AZIN2: variants seen among roughly 807,000 people sequenced by gnomAD.
AZIN2 encodes ODC antizyme inhibitor-2.
Under a neutral mutation model 47.8 loss-of-function variants are expected in AZIN2, and 28 were observed. The ratio of observed to expected loss-of-function variants is 0.59; its 90% confidence interval spans 0.43 to 0.80. AZIN2 has a LOEUF of 0.80. AZIN2 is among the 30% of genes least tolerant of loss of function. The pLI is 0.00. For synonymous variants in AZIN2, 221 were observed against 239.4 expected (o/e 0.92, Z 0.71); for missense variants, 535 against 582.5 (o/e 0.92, Z 0.84).
intron 5 of AZIN2, among the ~76,000 whole-genome samples, chr1:33,085,568 T>G (rs1221044751): frequency 6.6e-6 from 1 of 151,954 alleles, no homozygotes; most frequent in Non-Finnish European, 1.5e-5. Context: ...TATGGCTGGA[T>G]GTTGTGAGGA....
intron 10 of AZIN2, among the ~76,000 whole-genome samples, chr1:33,103,976 G>A (rs1570100064): frequency 1.3e-5 from 2 of 151,344 alleles, no homozygotes; most frequent in South Asian, 2.1e-4. Flanking sequence ...TCTGCCTCCC[G>A]GGTTCAAGTG....
the AZIN2 span, among the ~76,000 whole-genome samples, chr1:33,134,158 G>T: frequency 1.3e-5 from 2 of 152,234 alleles, no homozygotes; most frequent in African/African-American, 2.4e-5. Context: ...ATGTGGCCCA[G>T]CCCCGTAAGA....
the AZIN2 span, among the ~76,000 whole-genome samples, chr1:33,136,883 G>C: frequency 1.3e-5 from 2 of 151,710 alleles, no homozygotes; most frequent in African/African-American, 4.8e-5. Context: ...TGTAGTCCCA[G>C]CTGCTTGGGA....
At chr1:33,082,897 C>CA (rs1200584992) in intron 4 of AZIN2, 1 of 153,502 alleles carries the variant, frequency 6.5e-6, no homozygotes, top group Non-Finnish European at 1.5e-5. Context: ...CTGAATGACT[C>CA]AATTTGCATT....
chr1:33,088,600 T>G (rs548733637), intron 5 of AZIN2, among the ~76,000 whole-genome samples: 1 of 152,288 alleles, frequency 6.6e-6, no homozygotes, highest in Non-Finnish European at 1.5e-5. Context: ...GCTCTGCCCC[T>G]CTCCCTCTGA....
chr1:33,111,051 G>C (rs1440817063), intron 10 of AZIN2, among the ~76,000 whole-genome samples: 1 of 152,206 alleles, frequency 6.6e-6, no homozygotes, highest in Non-Finnish European at 1.5e-5. Context: ...GGTGACTACT[G>C]CAACAATCCA....
In AZIN2 at chr1:33,095,380, C is replaced by G. The variant is rs570951397; in HGVS notation, c.753+667C>G. 6.6e-5 allele frequency among the ~76,000 whole-genome samples: 10 copies of G among 152,332 alleles called. No homozygotes were observed. In the South Asian group the frequency reaches 2.1e-3, roughly 32 times the overall value. On this transcript the variant is annotated intron_variant, in intron 8 of 11. Coordinates refer to ENST00000294517, the MANE Select transcript of AZIN2 (RefSeq NM_052998.4). ...CAGGATTTGTTAAATTATGGTACAT[C>G]CTTTTGATGAAAACACTTCCTTAAT...
At chr1:33,165,238 G>A in the AZIN2 span, 6 of 429,340 alleles carry the variant, frequency 1.4e-5, no homozygotes, top group South Asian at 1.6e-4. The surrounding 1 kb of genome is among the most constrained non-coding windows in gnomAD (Gnocchi z 4.0). Flanking sequence ...CTTAACCGAG[G>A]GACCAGCCCA....
rs184037327 is a variant in AZIN2 at position 33,101,635 on chromosome 1, A to C, written c.1029+3456A>C. On this transcript the variant is annotated intron_variant, in intron 10 of 11. Coordinates refer to ENST00000294517, the MANE Select transcript of AZIN2 (RefSeq NM_052998.4). The stretch of plus-strand genomic sequence containing the variant: ...AATAAGCATCCTTATTATTTAACCT[A>C]CATTGCCTTCCATGCAAAGTCGTCA... Among the ~76,000 whole-genome samples, 17 of 151,958 alleles carry C rather than the reference A, an allele frequency of 1.1e-4. No individual in the cohort carries two copies. In the East Asian group the frequency reaches 3.1e-3, roughly 28 times the overall value.
At chr1:33,130,857 G>T in the AZIN2 span, among the ~76,000 whole-genome samples, 5 of 152,212 alleles carry the variant, frequency 3.3e-5, no homozygotes, top group African/African-American at 1.2e-4. Flanking sequence ...GGCTGTGCAG[G>T]TGAAGAGCAG....
Position 33,117,948 on chromosome 1 carries a change from C to T in AZIN2, c.1076C>T (p.Pro359Leu), listed in dbSNP as rs1055602318. The change falls in exon 11 of 12, where the codon CCG (proline) becomes CTG (leucine). Residue 359 changes from proline to leucine, a missense_variant. By Grantham distance (98) the Pro-to-Leu change is moderately conservative. Around this residue, in one of 3 missense-constraint regions of AZIN2, gnomAD observed 4 missense variants for 17.7 expected, o/e 0.23. Coordinates refer to ENST00000294517, the MANE Select transcript of AZIN2 (RefSeq NM_052998.4). The stretch of plus-strand genomic sequence containing the variant: ...CTGTACAGCAGCAGCCTGTGGGGCC[C>T]GGCGGTTGATGGCTGTGATTGCGTG... ...QPLYSSSLWG[P>L]AVDGCDCVAE... 1.9e-5 allele frequency: 30 copies of T among 1,613,546 alleles called. No homozygotes were observed. The highest frequency in any genetic ancestry group is 5.0e-5 in the Admixed American group (3 of 59,890).
At chr1:33,109,008 G>T (rs1644157326) in intron 10 of AZIN2, among the ~76,000 whole-genome samples, 1 of 152,214 alleles carries the variant, frequency 6.6e-6, no homozygotes, top group Admixed American at 6.5e-5. Flanking sequence ...GGGAGTTCTT[G>T]TTGCTCCACA....
chr1:33,102,497 T>C (rs1025277032), intron 10 of AZIN2, among the ~76,000 whole-genome samples: 1 of 152,108 alleles, frequency 6.6e-6, no homozygotes, highest in Admixed American at 6.5e-5. Context: ...TCCATATGGC[T>C]CTTCTGTCCC....
At chr1:33,103,119 A>G (rs1427804175) in intron 10 of AZIN2, among the ~76,000 whole-genome samples, 1 of 151,986 alleles carries the variant, frequency 6.6e-6, no homozygotes, top group Non-Finnish European at 1.5e-5. Context: ...TTCCACCCCC[A>G]TACTACTACC....
Position 33,093,407 on chromosome 1 carries a change from T to A in AZIN2, c.578T>A (p.Val193Glu). Residue 193 changes from valine to glutamate, a missense_variant, in exon 7 of 12, where the codon GTG becomes GAG. Coordinates refer to ENST00000294517, the MANE Select transcript of AZIN2 (RefSeq NM_052998.4). ...ENAKKHHVEV[V>E]GVSFHIGSGC... The stretch of plus-strand genomic sequence containing the variant: ...GCGAAGAAGCACCATGTGGAGGTGG[T>A]GGGTGTGAGGTGAGCACTGGGAACC... 6.2e-7 allele frequency: 1 copy of A among 1,613,824 alleles called. No homozygotes were observed. The highest frequency in any genetic ancestry group is 8.5e-7 in the Non-Finnish European group (1 of 1,179,844).
At chr1:33,109,315 C>T (rs939349430) in intron 10 of AZIN2, among the ~76,000 whole-genome samples, 4 of 150,534 alleles carry the variant, frequency 2.7e-5, no homozygotes, top group Non-Finnish European at 1.5e-5. Context: ...CTTCTCTTAA[C>T]ATTTTCTTTT....
At chr1:33,140,912 A>C in the AZIN2 span, among the ~76,000 whole-genome samples, 4 of 152,160 alleles carry the variant, frequency 2.6e-5, no homozygotes, top group Admixed American at 2.6e-4. The surrounding 1 kb of genome is among the most constrained non-coding windows in gnomAD (Gnocchi z 4.0). Context: ...CCCAGGGGGT[A>C]GGAGGAGACA....
the AZIN2 span, among the ~76,000 whole-genome samples, chr1:33,134,898 C>A: frequency 1.3e-5 from 2 of 152,230 alleles, no homozygotes; most frequent in Admixed American, 6.5e-5. Context: ...CTGGCCTCAG[C>A]CTCACCAGCC....
chr1:33,148,634 C>T, the AZIN2 span, among the ~76,000 whole-genome samples: 1 of 152,160 alleles, frequency 6.6e-6, no homozygotes, highest in African/African-American at 2.4e-5. Context: ...TAATAATTTC[C>T]TTCTATTTTC....
Sources: allele counts gnomAD v4.1 joint callset (sites outside exome capture counted in the v4.1 genomes callset), GRCh38; gene constraint gnomAD v4.1.1; regional missense constraint gnomAD v4.1.1; non-coding constraint Gnocchi (gnomAD v3.1); transcripts MANE v1.5; gene names NCBI Gene and HGNC (gene_info 2026-07-23, HGNC 2026-07-21).